SERINC4: variants seen among roughly 807,000 people sequenced by gnomAD.
The protein encoded by SERINC4 is serine incorporator 4.
SERINC4 carries 52 observed loss-of-function variants against 52.0 expected under a neutral mutation model. The observed-to-expected ratio is 1.00, with a 90% CI of 0.80 to 1.26. The LOEUF is 1.26. Ranked by LOEUF, SERINC4 falls within the 50% of genes most tolerant of loss-of-function variation. The pLI is 0.00. For missense variants in SERINC4, 723 were observed against 632.8 expected, an observed-to-expected ratio of 1.14 and a Z score of -1.53; for synonymous variants, 264 against 247.7, an observed-to-expected ratio of 1.07 and a Z score of -0.62.
chr15:43,798,384 A>G (rs745660584), intron 4 of SERINC4, 41 bp downstream of exon 4: 1 of 1,462,830 alleles, frequency 6.8e-7, no homozygotes, highest in Non-Finnish European at 9.6e-7. Flanking sequence ...TATCTTAGAA[A>G]ACTTAGCCTA....
intron 5 of SERINC4, 87 bp downstream of exon 5, chr15:43,797,833 C>G (rs1168608816): frequency 4.5e-6 from 4 of 886,312 alleles, no homozygotes; most frequent in South Asian, 2.8e-5. Context: ...GGGACCAGTG[C>G]TCTGCCGTGC....
rs199562411 is a variant in SERINC4, at chr15:43,796,641, T to C, written c.1042A>G (p.Met348Val). 5 of 1,614,094 alleles carry C rather than the reference T, an allele frequency of 3.1e-6. No homozygotes were observed. The East Asian group carries it at 8.9e-5, about 29-fold the overall frequency. ...ISLAMLSASI[M>V]YACVLFACNE... Reference sequence around the variant, plus strand: ...CAAGCAAAAAGCACACAAGCATACATGATGCTAGCACTCAGCATTGCTAGA... The same window carrying C: ...CAAGCAAAAAGCACACAAGCATACACGATGCTAGCACTCAGCATTGCTAGA... The change falls in exon 8 of 12, where the codon ATG (methionine) becomes GTG (valine). Residue 348 changes from methionine (M) to valine (V), a missense_variant. Transcript: ENST00000319327.
At chr15:43,798,146 T>G (rs2087249985) in intron 4 of SERINC4, 133 bp from the exon 5 acceptor site, 1 of 657,940 alleles carries the variant, frequency 1.5e-6, no homozygotes, top group African/African-American at 1.8e-5. Flanking sequence ...GCCTCCCGGG[T>G]TCAAGTGATT....
At position 43,799,251 on chromosome 15, in the gene SERINC4, ATCTT is replaced by A. The variant is rs1394657387; in HGVS notation, c.279+55_279+58del. On this transcript the variant is annotated intron_variant, in intron 2 of 11. Coordinates refer to ENST00000319327, the MANE Select transcript of SERINC4 (RefSeq NM_001258031.2). Reference sequence around the variant, plus strand: ...CCTGCCCCCAACCGAAACCTTTTCTATCTTAGGGTTTTTCCTTTTATCTCTTCCC... The same window carrying A: ...CCTGCCCCCAACCGAAACCTTTTCTAAGGGTTTTTCCTTTTATCTCTTCCC... 6 of 1,525,044 alleles carry A rather than the reference ATCTT, an allele frequency of 3.9e-6. No homozygotes were observed. The African/African-American group carries it at 8.3e-5, about 21-fold the overall frequency. 94.5% of individuals were successfully genotyped at this position (1,525,044 alleles called of 1,614,324 possible).
intron 5 of SERINC4, 180 bp from the exon 6 acceptor site, chr15:43,797,536 G>A: frequency 1.7e-6 from 1 of 586,684 alleles, no homozygotes; most frequent in Non-Finnish European, 3.0e-6. Flanking sequence ...GGGATTACAG[G>A]CACCTACCAC....
chr15:43,799,769 T>C (rs1677429269), intron 1 of SERINC4, 116 bp downstream of exon 1: 4 of 898,206 alleles, frequency 4.5e-6, no homozygotes, highest in Admixed American at 4.1e-5. Context: ...TTACAGATTA[T>C]ACCTGGGGCA....
At position 43,797,248 on chromosome 15, in the gene SERINC4, A is replaced by T; in HGVS notation, c.741T>A (p.Tyr247Ter). ...TAAGCAGGCAGCCAGCTGGGTGTGTATAATAGTGGAATAGGAGCACAGCTC... is the reference window on the plus strand; with the variant it reads ...TAAGCAGGCAGCCAGCTGGGTGTGTTTAATAGTGGAATAGGAGCACAGCTC... ...GVGAVLLFHY[Y>*]THPAGCLLNK... The change falls in exon 6 of 12, where the codon TAT (tyrosine) becomes TAA (stop). Residue 247 changes from tyrosine to a stop codon, truncating the protein, a stop_gained. Coordinates refer to ENST00000319327, the MANE Select transcript of SERINC4 (RefSeq NM_001258031.2). LOFTEE classifies it high-confidence loss of function. The T allele has an allele frequency of 6.4e-7, 1 of 1,550,588 alleles. No individual in the cohort carries two copies.
At chr15:43,795,618 G>C in intron 10 of SERINC4, 70 bp downstream of exon 10, 1 of 1,610,642 alleles carries the variant, frequency 6.2e-7, no homozygotes, top group Non-Finnish European at 8.5e-7. Context: ...CCTTTGTTAA[G>C]GCTCTTGAGG....
At position 43,795,540 on chromosome 15, in the gene SERINC4, C is replaced by T. The variant is rs74494149; in HGVS notation, c.1191G>A (p.Gly397=). The T allele has an allele frequency of 5.6e-6, 9 of 1,614,110 alleles. No individual in the cohort carries two copies. The East Asian group carries it at 1.8e-4, about 32-fold the overall frequency. ...CTGGCCTCGCAGCCCCACCCCTTTG[C>T]CCTGGAGAGAGGAAATGGCTGCTGG... The part of the protein sequence containing the change: ...CCPETVEADK[G]QRGGAARPAD... The change falls in exon 11 of 12, where the codon GGG becomes GGA. Residue 397 remains glycine, a splice_region_variant and synonymous_variant. Coordinates refer to ENST00000319327, the MANE Select transcript of SERINC4 (RefSeq NM_001258031.2).
chr15:43,795,329 G>T (rs2087183247), intron 11 of SERINC4, 59 bp downstream of exon 11: 1 of 1,604,122 alleles, frequency 6.2e-7, no homozygotes, highest in South Asian at 1.1e-5. Context: ...GCCTTGAATT[G>T]CTCTTTCCTT....
chr15:43,799,124 G>A lies in SERINC4; in HGVS notation c.293C>T (p.Ser98Leu). The A allele has an allele frequency of 6.5e-7, 1 of 1,549,318 alleles. No individual in the cohort carries two copies. Among genetic ancestry groups the A allele is most frequent in the Non-Finnish European group, 8.7e-7 (1 of 1,145,914 alleles). The change falls in exon 3 of 12, where the codon TCG (serine) becomes TTG (leucine). Residue 98 changes from serine (S) to leucine (L), a missense_variant. By Grantham distance (145) the Ser-to-Leu change is moderately radical. Transcript: ENST00000319327. Reference protein sequence around the residue: ...WGKTHRIQMPSGLCAHLFGLS... With the variant: ...WGKTHRIQMPLGLCAHLFGLS... ...GCCAAACAGGTGGGCACACAACCCC[G>A]AGGGCATCTGGATCTGGGAGTGTGT...
chr15:43,794,197 A>G lies in SERINC4; in HGVS notation c.*803T>C. On this transcript the variant is annotated 3_prime_UTR_variant, in exon 12 of 12. Coordinates refer to ENST00000319327, the MANE Select transcript of SERINC4 (RefSeq NM_001258031.2). ...ATCACAGAAGAAGCCTTTATTATAC[A>G]ATGACAACCAAACAAGTACTCCGGA... 1.9e-6 allele frequency: 1 copy of G among 517,680 alleles called. No homozygotes were observed. The highest frequency in any genetic ancestry group is 3.4e-6 in the Non-Finnish European group (1 of 293,664). 32.1% of individuals were successfully genotyped at this position (517,680 alleles called of 1,614,324 possible). A position where few individuals can be genotyped will look rare whatever the true frequency, so the allele number is the denominator to read the frequency against.
intron 9 of SERINC4, 113 bp downstream of exon 9, chr15:43,796,041 TA>T: frequency 2.5e-6 from 2 of 806,122 alleles, no homozygotes; most frequent in Non-Finnish European, 4.2e-6. Context: ...GGGTACTCAA[TA>T]AAAGGTAACA....
intron 1 of SERINC4, 27 bp from the exon 2 acceptor site, chr15:43,799,513 C>T (rs756657635): frequency 1.2e-5 from 19 of 1,550,690 alleles, no homozygotes; most frequent in Non-Finnish European, 1.6e-5. Flanking sequence ...TGCAAGGCAG[C>T]GAGGTGGAGA....
At position 43,799,412 on chromosome 15, in the gene SERINC4, G is replaced by C. The variant is rs906217125; in HGVS notation, c.177C>G (p.Cys59Trp). Residue 59 changes from cysteine (C) to tryptophan (W), a missense_variant, in exon 2 of 12, where the codon TGC (cysteine) becomes TGG (tryptophan). Transcript: ENST00000319327. ...GGAGGAGGATGTAGAACAGGCGGCT[G>C]CAAGTGGATGCGGTGAGAGAGGGCC... The part of the protein sequence containing the change: ...SRWPSLTAST[C>W]SRLFYILLHV... 6.4e-7 allele frequency: 1 copy of C among 1,550,844 alleles called. No individual in the cohort carries two copies. The highest frequency in any genetic ancestry group is 2.0e-5 in the Admixed American group (1 of 51,002).
Position 43,794,992 on chromosome 15 carries a change from A to G in SERINC4, c.*8T>C. On this transcript the variant is annotated 3_prime_UTR_variant, in exon 12 of 12. Transcript: ENST00000319327. Reference sequence around the variant, plus strand: ...AATGTCAGGGGAACCCCAGTTTGTGAAAAGGACTTAGACTGGAGGATATTT... The same window carrying G: ...AATGTCAGGGGAACCCCAGTTTGTGGAAAGGACTTAGACTGGAGGATATTT... 1 of 1,601,032 alleles carries G rather than the reference A, an allele frequency of 6.2e-7. No homozygotes were observed.
chr15:43,796,374 T>G, intron 8 of SERINC4, 147 bp from the exon 9 acceptor site: 1 of 739,528 alleles, frequency 1.4e-6, no homozygotes, highest in Non-Finnish European at 2.3e-6. Flanking sequence ...ATTCTATTCA[T>G]GTGAGAGCCC....
chr15:43,799,838 C>T (rs1326317053), intron 1 of SERINC4, 47 bp downstream of exon 1: 8 of 1,388,220 alleles, frequency 5.8e-6, no homozygotes, highest in African/African-American at 1.4e-5. Context: ...GGCTTCTGCA[C>T]GTCTTCCTCC....
At position 43,795,101 on chromosome 15, in the gene SERINC4, C is replaced by A; in HGVS notation, c.1456G>T (p.Ala486Ser). Residue 486 changes from alanine to serine, a missense_variant, in exon 12 of 12, where the codon GCA becomes TCA. Physicochemically the swap from Ala to Ser is moderately conservative, Grantham distance 99 (BLOSUM62 1). Transcript: ENST00000319327. ...TGGGTGGGGGGCCAACAGAGTGGTG[C>A]CAGTAACAGCCCCAGATAGAGGAGT... is the stretch of plus-strand genomic sequence containing the variant. Reference protein sequence around the residue: ...CVLLYLGLLLAPLCWPPTQKP... With the variant: ...CVLLYLGLLLSPLCWPPTQKP... 1 of 1,613,900 alleles carries A rather than the reference C, an allele frequency of 6.2e-7. No homozygotes were observed. The highest frequency in any genetic ancestry group is 1.1e-5 in the South Asian group (1 of 91,062).
Sources: gnomAD v4.1 joint callset for allele counts on GRCh38, gnomAD v4.1.1 for gene constraint, MANE v1.5 for transcripts, NCBI Gene and HGNC (gene_info 2026-07-23, HGNC 2026-07-21) for gene names.